Variants in C2orf42 observed in about 807,000 individuals in gnomAD.
C2orf42 encodes uncharacterized protein C2orf42.
In C2orf42, 44 loss-of-function variants were observed where a neutral mutation model predicts 58.9. The ratio of observed to expected loss-of-function variants is 0.75; its 90% confidence interval spans 0.59 to 0.96. The LOEUF (loss-of-function observed/expected upper bound fraction) is 0.96. Ranked by LOEUF, C2orf42 falls within the 40% of genes least tolerant of loss-of-function variation. The pLI is 0.00. For missense variants in C2orf42, 630 were observed against 699.2 expected (o/e 0.90, Z 1.12); for synonymous variants, 239 against 265.4 (o/e 0.90, Z 0.97).
In C2orf42 at chr2:70,179,521, C is replaced by A; in HGVS notation, c.934+11G>T. Reference sequence around the variant, plus strand: ...AGACAATACCACCAAACCAACCAACCAGACTCTTACCAGATACTTCATCCT... The same window carrying A: ...AGACAATACCACCAAACCAACCAACAAGACTCTTACCAGATACTTCATCCT... On this transcript the variant is annotated intron_variant, in intron 4 of 9. Transcript: ENST00000264434. The A allele has an allele frequency of 8.6e-7, 1 of 1,160,132 alleles. No individual in the cohort carries two copies. Among genetic ancestry groups the A allele is most frequent in the Non-Finnish European group, 1.3e-6 (1 of 776,220 alleles). The allele number at this position is 1,160,132 out of a possible 1,614,324, so 71.9% of individuals were successfully genotyped here.
At chr2:70,164,529 G>A (rs1210728224) in intron 8 of C2orf42, among the ~76,000 whole-genome samples, 1 of 151,998 alleles carries the variant, frequency 6.6e-6, no homozygotes, top group Non-Finnish European at 1.5e-5. Flanking sequence ...CTAGCCGGGG[G>A]GCTGAGGCAA....
intron 1 of C2orf42, among the ~76,000 whole-genome samples, chr2:70,185,796 CATATAT>C (rs142755089): frequency 6.7e-6 from 1 of 149,628 alleles, no homozygotes; most frequent in African/African-American, 2.5e-5. Flanking sequence ...TACACACACA[CATATAT>C]ATATATATTT....
chr2:70,160,549 C>A, intron 9 of C2orf42, 76 bp downstream of exon 9: 1 of 941,590 alleles, frequency 1.1e-6, no homozygotes, highest in Non-Finnish European at 1.6e-6. Context: ...AGGTCAAGAT[C>A]CAAAGCTTTG....
At chr2:70,187,435 TAG>T (rs1296140803) in intron 1 of C2orf42, among the ~76,000 whole-genome samples, 4 of 151,882 alleles carry the variant, frequency 2.6e-5, no homozygotes, top group African/African-American at 9.7e-5. Context: ...GTATTTTTAG[TAG>T]AGACAGGGTT....
chr2:70,170,755 A>G (rs1673753926), intron 5 of C2orf42, among the ~76,000 whole-genome samples: 7 of 150,530 alleles, frequency 4.7e-5, no homozygotes, highest in Admixed American at 4.6e-4. Flanking sequence ...CTAAAAAAAA[A>G]AAAAGAAAAA....
In C2orf42 at chr2:70,170,887, G is replaced by A. The variant is rs1272498260; in HGVS notation, c.1040-1226C>T. ...TCCCAGCACTTTGGGAGGCCGAGGC[G>A]GGTGGATCATGAGGTCAGGAGATCG... is the stretch of plus-strand genomic sequence containing the variant. On this transcript the variant is annotated intron_variant, in intron 5 of 9. Coordinates refer to ENST00000264434, the MANE Select transcript of C2orf42 (RefSeq NM_017880.3). Among the ~76,000 whole-genome samples, 5 of 152,034 alleles carry A rather than the reference G, an allele frequency of 3.3e-5. No homozygotes were observed. The South Asian group carries it at 6.2e-4, about 19-fold the overall frequency.
At chr2:70,178,924 CAA>C (rs751804822) in intron 4 of C2orf42, among the ~76,000 whole-genome samples, 13 of 96,050 alleles carry the variant, frequency 1.4e-4, no homozygotes, top group Admixed American at 2.2e-4. Flanking sequence ...GACTCCATCT[CAA>C]AAAAAAAAAA....
At chr2:70,154,355 G>C (rs1208110688) in intron 9 of C2orf42, among the ~76,000 whole-genome samples, 2 of 140,548 alleles carry the variant, frequency 1.4e-5, no homozygotes, top group Non-Finnish European at 3.0e-5. Flanking sequence ...TTGAGGTCAG[G>C]AGTTCAAGAC....
chr2:70,165,863 G>A (rs1673364122), intron 6 of C2orf42, among the ~76,000 whole-genome samples: 1 of 151,872 alleles, frequency 6.6e-6, no homozygotes, highest in African/African-American at 2.4e-5. Flanking sequence ...GTGTAGCCTG[G>A]GCAACAAAGA....
Position 70,169,606 on chromosome 2 carries a change from C to T in C2orf42, c.1095G>A (p.Leu365=), listed in dbSNP as rs1053548612. The change falls in exon 6 of 10, where the codon CTG becomes CTA. Residue 365 remains leucine, a synonymous_variant. Transcript: ENST00000264434. ...GATGGATGCGTTCTGTGACACTGGC[C>T]AGCCAGTCTTGGAAGGATAAAGTCA... ...AQVTLSFQDW[L]ASVTERIHQT... is the part of the protein sequence containing the mutation. 83 of 1,610,672 alleles carry T rather than the reference C, an allele frequency of 5.2e-5. No homozygotes were observed. Among genetic ancestry groups the T allele is most frequent in the Non-Finnish European group, 6.8e-5 (80 of 1,177,216 alleles).
intron 1 of C2orf42, among the ~76,000 whole-genome samples, chr2:70,186,985 G>C: frequency 6.6e-6 from 1 of 152,074 alleles, no homozygotes; most frequent in East Asian, 1.9e-4. Flanking sequence ...GATAGCATTA[G>C]GAGATATACC....
At position 70,154,064 on chromosome 2, in the gene C2orf42, C is replaced by CAA. The variant is rs1672485844; in HGVS notation, c.1517-3502_1517-3501dup. ...CAAGACTCTGTCTCAAAAAAACAAA[C>CAA]AAACAAACAAAAAAAAAAACACAGA... is the stretch of plus-strand genomic sequence containing the variant. On this transcript the variant is annotated intron_variant, in intron 9 of 9. Coordinates refer to ENST00000264434, the MANE Select transcript of C2orf42 (RefSeq NM_017880.3). 4.7e-5 allele frequency among the ~76,000 whole-genome samples: 5 copies of CAA among 106,988 alleles called. No homozygotes were observed. The Admixed American group carries it at 5.1e-4, about 11-fold the overall frequency. 70.2% of individuals were successfully genotyped at this position (106,988 alleles called of 152,430 possible).
intron 9 of C2orf42, among the ~76,000 whole-genome samples, chr2:70,157,761 C>T (rs1672776534): frequency 6.6e-6 from 1 of 152,152 alleles, no homozygotes. Context: ...CGTGCCACTG[C>T]ACTCCCGCCT....
intron 1 of C2orf42, among the ~76,000 whole-genome samples, chr2:70,184,479 ATTTTTTT>A (rs771522645): frequency 1.2e-4 from 9 of 77,380 alleles, no homozygotes; most frequent in East Asian, 8.3e-4. Flanking sequence ...GCCTGGCCCT[ATTTTTTT>A]TTTTTTTTTT....
intron 5 of C2orf42, among the ~76,000 whole-genome samples, chr2:70,173,054 T>G (rs1489404879): frequency 6.6e-6 from 1 of 151,938 alleles, no homozygotes; most frequent in Non-Finnish European, 1.5e-5. Flanking sequence ...TCCCAGCTAC[T>G]TGGGAGGCTG....
intron 4 of C2orf42, 91 bp from the exon 5 acceptor site, chr2:70,175,868 G>C (rs1365751262): frequency 1.2e-5 from 10 of 824,218 alleles, no homozygotes; most frequent in South Asian, 1.0e-4. Flanking sequence ...CATATAAACA[G>C]TCTTTGCTAA....
Position 70,150,259 on chromosome 2 carries a change from A to AG in C2orf42, c.*96dup. On this transcript the variant is annotated 3_prime_UTR_variant, in exon 10 of 10. Coordinates refer to ENST00000264434, the MANE Select transcript of C2orf42 (RefSeq NM_017880.3). ...CATCTTAGCTAAGAGCAGTTTACCA[A>AG]GGAACAGGGCCATCTAAGTGCCTAA... is the stretch of plus-strand genomic sequence containing the variant. The AG allele has an allele frequency of 1.0e-6, 1 of 988,568 alleles. No homozygotes were observed. Among genetic ancestry groups the AG allele is most frequent in the Non-Finnish European group, 1.6e-6 (1 of 640,448 alleles). 61.2% of individuals were successfully genotyped at this position (988,568 alleles called of 1,614,324 possible). A position where few individuals can be genotyped will look rare whatever the true frequency, so the allele number is the denominator to read the frequency against.
intron 9 of C2orf42, among the ~76,000 whole-genome samples, chr2:70,151,975 G>A (rs1346863579): frequency 2.0e-5 from 3 of 151,860 alleles, no homozygotes; most frequent in African/African-American, 7.3e-5. Flanking sequence ...CAGGGTTTCA[G>A]CAGGTTGGCC....
chr2:70,174,503 T>C (rs1674054311), intron 5 of C2orf42, among the ~76,000 whole-genome samples: 1 of 152,068 alleles, frequency 6.6e-6, no homozygotes, highest in African/African-American at 2.4e-5. Flanking sequence ...TATTCACATC[T>C]CACCAGCTTT....
Sources: allele counts gnomAD v4.1 joint callset (sites outside exome capture counted in the v4.1 genomes callset), GRCh38; gene constraint gnomAD v4.1.1; transcripts MANE v1.5; gene names NCBI Gene and HGNC (gene_info 2026-07-23, HGNC 2026-07-21).